ITPR2: variants seen among roughly 807,000 people sequenced by gnomAD.
ITPR2 encodes inositol 1,4,5-trisphosphate-gated calcium channel ITPR2.
ITPR2 carries 207 observed loss-of-function variants against 317.1 expected under a neutral mutation model. That is an observed-to-expected ratio of 0.65 (90% CI 0.58 to 0.73). The LOEUF (loss-of-function observed/expected upper bound fraction) is 0.73. Ranked by LOEUF, ITPR2 falls within the 30% of genes least tolerant of loss-of-function variation. The probability of loss-of-function intolerance (pLI) is 0.00; values close to 1 mark genes in which losing one functional copy is unlikely to be tolerated. For missense variants in ITPR2, 2,613 were observed against 3,284.0 expected (o/e 0.80, Z 4.99); for synonymous variants, 1,156 against 1,149.1 (o/e 1.01, Z -0.12).
In ITPR2 at chr12:26,516,333, A is replaced by G. The variant is rs531753464; in HGVS notation, c.5074-21073T>C. 4.0e-5 allele frequency among the ~76,000 whole-genome samples: 6 copies of G among 150,000 alleles called. No individual in the cohort carries two copies. In the South Asian group the frequency reaches 1.3e-3, roughly 32 times the overall value. On this transcript the variant is annotated intron_variant, in intron 37 of 56. Coordinates refer to ENST00000381340, the MANE Select transcript of ITPR2 (RefSeq NM_002223.4). The stretch of plus-strand genomic sequence containing the variant: ...AAAGGAAAGGAAAGGAAAGGAAAGG[A>G]AAGGAAAGGAAAGGAAAGGAAAGGA...
Position 26,661,316 on chromosome 12 carries a change from G to A in ITPR2, c.1714-2031C>T, listed in dbSNP as rs530087694. On this transcript the variant is annotated intron_variant, in intron 15 of 56. Coordinates refer to ENST00000381340, the MANE Select transcript of ITPR2 (RefSeq NM_002223.4). ...GGAGGGAACGGGCACGTGCACGAGCGCACACGTGTGTGTGTTTGTGTGTGT... is the reference window on the plus strand; with the variant it reads ...GGAGGGAACGGGCACGTGCACGAGCACACACGTGTGTGTGTTTGTGTGTGT... 3.6e-5 allele frequency among the ~76,000 whole-genome samples: 5 copies of A among 140,490 alleles called. 1 individual carries two copies. The South Asian group carries it at 7.3e-4, about 20-fold the overall frequency. 92.2% of individuals were successfully genotyped at this position (140,490 alleles called of 152,430 possible).
chr12:26,418,757 T>C (rs12306624), intron 50 of ITPR2, among the ~76,000 whole-genome samples: 4 of 152,120 alleles, frequency 2.6e-5, no homozygotes, highest in Non-Finnish European at 4.4e-5. Context: ...AGGGAAATAT[T>C]AGTTGGCTGA....
intron 55 of ITPR2, among the ~76,000 whole-genome samples, chr12:26,360,564 T>C (rs1449330652): frequency 2.6e-5 from 4 of 152,102 alleles, no homozygotes; most frequent in African/African-American, 7.2e-5. Flanking sequence ...AGTGAATACA[T>C]GCCTACTTAA....
intron 23 of ITPR2, among the ~76,000 whole-genome samples, chr12:26,627,137 T>C (rs1052073216): frequency 6.6e-6 from 1 of 152,142 alleles, no homozygotes; most frequent in Non-Finnish European, 1.5e-5. Context: ...CTATACAAAG[T>C]AAATTTTTTT....
At chr12:26,370,916 G>A (rs1035275042) in intron 55 of ITPR2, among the ~76,000 whole-genome samples, 2 of 152,086 alleles carry the variant, frequency 1.3e-5, no homozygotes, top group African/African-American at 2.4e-5. Flanking sequence ...CCCGTGATCC[G>A]CCTGCCTCGG....
chr12:26,421,230 C>T (rs1312136578), intron 49 of ITPR2: 1 of 152,172 alleles, frequency 6.6e-6, no homozygotes, highest in Non-Finnish European at 1.5e-5. Flanking sequence ...GCCATTTTCA[C>T]TTGAAAAATA....
intron 45 of ITPR2, among the ~76,000 whole-genome samples, chr12:26,467,251 A>G (rs542683373): frequency 1.5e-4 from 23 of 152,298 alleles, no homozygotes; most frequent in African/African-American, 5.3e-4. Context: ...TAAAGAAAAA[A>G]GTGGATTAAT....
intron 2 of ITPR2, among the ~76,000 whole-genome samples, chr12:26,788,635 C>A (rs767686170): frequency 6.6e-6 from 1 of 152,150 alleles, no homozygotes; most frequent in South Asian, 2.1e-4. Flanking sequence ...ACCCACATTC[C>A]TCCACATATG....
intron 37 of ITPR2, among the ~76,000 whole-genome samples, chr12:26,539,615 G>T: frequency 6.6e-6 from 1 of 152,236 alleles, no homozygotes; most frequent in East Asian, 1.9e-4. Flanking sequence ...AATCCCCCTT[G>T]GCTGAGCTCA....
intron 9 of ITPR2, among the ~76,000 whole-genome samples, chr12:26,698,846 G>A (rs552512095): frequency 6.6e-6 from 1 of 152,128 alleles, no homozygotes; most frequent in South Asian, 2.1e-4. Context: ...GAGTTAACTG[G>A]CCTCCTTTCT....
At chr12:26,414,088 A>AC (rs1940645837) in intron 51 of ITPR2, among the ~76,000 whole-genome samples, 5 of 72,548 alleles carry the variant, frequency 6.9e-5, no homozygotes, top group Non-Finnish European at 1.7e-4. Flanking sequence ...CACACACACA[A>AC]ACACAAGTCC....
At chr12:26,466,936 T>C (rs1942183263) in intron 45 of ITPR2, among the ~76,000 whole-genome samples, 1 of 152,190 alleles carries the variant, frequency 6.6e-6, no homozygotes, top group African/African-American at 2.4e-5. Flanking sequence ...GTACGTTACT[T>C]AAAACCCTTC....
intron 2 of ITPR2, among the ~76,000 whole-genome samples, chr12:26,745,587 C>G (rs12829733): frequency 0.17 from 25,749 of 152,186 alleles, 2,687 homozygotes; most frequent in Non-Finnish European, 0.24. Flanking sequence ...GAAGAAATTC[C>G]CTAACAAATT....
chr12:26,797,279 TA>T (rs1165234839), intron 1 of ITPR2, among the ~76,000 whole-genome samples: 1 of 152,218 alleles, frequency 6.6e-6, no homozygotes, highest in African/African-American at 2.4e-5. Context: ...AATTAATGTA[TA>T]AAATATGTGG....
intron 54 of ITPR2, among the ~76,000 whole-genome samples, chr12:26,396,907 G>A (rs559195493): frequency 6.6e-6 from 1 of 152,236 alleles, no homozygotes; most frequent in South Asian, 2.1e-4. Context: ...TAAGCATCAA[G>A]ATTTAAAGAT....
Position 26,817,042 on chromosome 12 carries a change from A to G in ITPR2, c.92+15648T>C, listed in dbSNP as rs191275322. ...AAAAATACAAAAAAATTAGCCGGGCATGGTGGCATGCACCTGTAGTCCCAG... is the reference window on the plus strand; with the variant it reads ...AAAAATACAAAAAAATTAGCCGGGCGTGGTGGCATGCACCTGTAGTCCCAG... On this transcript the variant is annotated intron_variant, in intron 1 of 56. Transcript: ENST00000381340. 8.5e-5 allele frequency among the ~76,000 whole-genome samples: 13 copies of G among 152,102 alleles called. No homozygotes were observed. In the East Asian group the frequency reaches 1.4e-3, roughly 16 times the overall value.
chr12:26,343,953 G>A (rs1425481218), intron 55 of ITPR2, among the ~76,000 whole-genome samples: 2 of 152,154 alleles, frequency 1.3e-5, no homozygotes, highest in African/African-American at 4.8e-5. Flanking sequence ...AAATTTAATT[G>A]GCGTTGTAAC....
chr12:26,620,126 T>A (rs1441259943), intron 26 of ITPR2, among the ~76,000 whole-genome samples: 1 of 152,180 alleles, frequency 6.6e-6, no homozygotes, highest in East Asian at 1.9e-4. Flanking sequence ...ATAGCTGAAG[T>A]TCTAAATTCA....
At chr12:26,435,103 C>G (rs965873017) in intron 48 of ITPR2, among the ~76,000 whole-genome samples, 2 of 152,156 alleles carry the variant, frequency 1.3e-5, no homozygotes, top group Non-Finnish European at 1.5e-5. Flanking sequence ...TTCATGACTA[C>G]TCAGATTACA....
Sources: gnomAD v4.1 joint callset for allele counts (sites outside exome capture counted in the v4.1 genomes callset) on GRCh38, gnomAD v4.1.1 for gene constraint, MANE v1.5 for transcripts, NCBI Gene and HGNC (gene_info 2026-07-23, HGNC 2026-07-21) for gene names.